Variants in RDX observed in about 807,000 individuals in gnomAD.
RDX encodes the protein radixin.
A neutral mutation model predicts 83.7 loss-of-function variants in RDX; 32 were observed. The observed-to-expected ratio is 0.38, with a 90% CI of 0.29 to 0.51. The LOEUF (loss-of-function observed/expected upper bound fraction) is 0.51, where lower values mean the gene tolerates loss of function less well. Among genes scored for constraint, RDX ranks in the 20% least tolerant of loss-of-function variants. The pLI, the probability that RDX is intolerant of heterozygous loss-of-function variation, is 0.87. For synonymous variants in RDX, 229 were observed against 222.7 expected (o/e 1.03, Z -0.25); for missense variants, 600 against 689.9 (o/e 0.87, Z 1.46).
intron 9 of RDX, among the ~76,000 whole-genome samples, chr11:110,251,588 A>G (rs192651518): frequency 6.6e-6 from 1 of 152,278 alleles, no homozygotes; most frequent in Admixed American, 6.5e-5. Context: ...GACACTAGCC[A>G]GCCTTGGTGC....
intron 10 of RDX, among the ~76,000 whole-genome samples, chr11:110,244,843 A>G (rs527309953): frequency 6.6e-6 from 1 of 152,280 alleles, no homozygotes; most frequent in East Asian, 1.9e-4. Context: ...AGAAAAGGAG[A>G]CTGTGTGAGG....
Position 110,237,508 on chromosome 11 carries a change from T to C in RDX, c.1235A>G (p.Lys412Arg), listed in dbSNP as rs1370371596. The C allele has an allele frequency of 1.9e-6, 3 of 1,612,660 alleles. No individual in the cohort carries two copies. The highest frequency in any genetic ancestry group is 3.3e-5 in the Admixed American group (2 of 60,032). ...AIAKQAADQM[K>R]NQEQLAAELA... ...GTTCCTTACTAGCTGCTCCTGATTC[T>C]TCATCTGGTCGGCAGCTTGTTTTGC... Residue 412 changes from lysine to arginine, a missense_variant, in exon 11 of 14, where the codon AAG becomes AGG. Coordinates refer to ENST00000645495, the MANE Select transcript of RDX (RefSeq NM_002906.4).
At chr11:110,214,871 C>A (rs1039485852) in intron 14 of RDX, among the ~76,000 whole-genome samples, 15 of 145,678 alleles carry the variant, frequency 1.0e-4, no homozygotes, top group Non-Finnish European at 1.7e-4. Flanking sequence ...GGGATAGCAT[C>A]GGGAGATATA....
At chr11:110,270,540 C>T (rs138264493) in intron 3 of RDX, among the ~76,000 whole-genome samples, 110 of 152,238 alleles carry the variant, frequency 7.2e-4, no homozygotes, top group African/African-American at 2.5e-3. Flanking sequence ...TACTGTTCTA[C>T]GCACTTTACA....
chr11:110,200,612 T>C (rs1038681718), intron 14 of RDX, among the ~76,000 whole-genome samples: 5 of 152,206 alleles, frequency 3.3e-5, no homozygotes, highest in African/African-American at 1.2e-4. Context: ...AACCACGTCA[T>C]GAAGAGTGAT....
chr11:110,179,598 C>A (rs1333619781), intron 15 of RDX, among the ~76,000 whole-genome samples: 1 of 152,138 alleles, frequency 6.6e-6, no homozygotes. Flanking sequence ...CATGGCAAAA[C>A]CCTGTCTCTA....
chr11:110,270,370 C>A (rs990264691), intron 3 of RDX, among the ~76,000 whole-genome samples: 20 of 152,090 alleles, frequency 1.3e-4, no homozygotes, highest in African/African-American at 4.8e-4. Context: ...TGTATTTAAA[C>A]GTATCTAAAC....
chr11:110,223,457 G>A (rs1052033657), intron 14 of RDX, among the ~76,000 whole-genome samples: 1 of 152,080 alleles, frequency 6.6e-6, no homozygotes, highest in African/African-American at 2.4e-5. Context: ...TGAACCGAGA[G>A]GTGAAAGTTG....
chr11:110,256,670 T>C (rs1859558522), intron 7 of RDX, among the ~76,000 whole-genome samples: 1 of 151,018 alleles, frequency 6.6e-6, no homozygotes, highest in African/African-American at 2.4e-5. Context: ...AGGCCAGGAG[T>C]TCAAGACCAG....
chr11:110,255,704 T>G (rs1051929744), intron 7 of RDX, among the ~76,000 whole-genome samples: 3 of 152,110 alleles, frequency 2.0e-5, no homozygotes, highest in Non-Finnish European at 4.4e-5. Context: ...TGTTCAGTTT[T>G]TATTGTTTGG....
intron 9 of RDX, 62 bp from the exon 10 acceptor site, chr11:110,247,895 A>C (rs759161343): frequency 2.1e-5 from 32 of 1,509,314 alleles, no homozygotes; most frequent in Non-Finnish European, 2.8e-5. Flanking sequence ...CATGTGATGG[A>C]ATACTACTCT....
intron 2 of RDX, among the ~76,000 whole-genome samples, chr11:110,279,040 A>C (rs906862386): frequency 3.9e-5 from 6 of 152,216 alleles, no homozygotes; most frequent in African/African-American, 1.4e-4. Flanking sequence ...ACTTGCATCT[A>C]AACTACAATT....
chr11:110,234,745 T>C (rs1864773599), intron 12 of RDX, among the ~76,000 whole-genome samples: 1 of 152,196 alleles, frequency 6.6e-6, no homozygotes, highest in Non-Finnish European at 1.5e-5. Context: ...ATTCCTTTTG[T>C]AGTTTTATTT....
intron 15 of RDX, among the ~76,000 whole-genome samples, chr11:110,177,249 G>A (rs1017560473): frequency 1.2e-4 from 19 of 152,226 alleles, no homozygotes; most frequent in African/African-American, 4.6e-4. Context: ...GCGACAGTGC[G>A]AACTCCTGTG....
chr11:110,265,109 GTT>G (rs71053876), intron 3 of RDX, among the ~76,000 whole-genome samples: 1 of 90,694 alleles, frequency 1.1e-5, no homozygotes, highest in African/African-American at 4.3e-5. Flanking sequence ...TTTTTTTTTT[GTT>G]TTTTTTTTTT....
intron 15 of RDX, among the ~76,000 whole-genome samples, chr11:110,198,213 C>T (rs942506508): frequency 5.9e-5 from 9 of 151,554 alleles, no homozygotes; most frequent in African/African-American, 2.2e-4. Context: ...GTTGGGGGAA[C>T]TCAAGATTTA....
chr11:110,279,766 A>G lies in RDX; in HGVS notation c.-64-10T>C. The G allele has an allele frequency of 1.1e-6, 1 of 887,656 alleles. No homozygotes were observed. The allele number at this position is 887,656 out of a possible 1,614,324, so 55.0% of individuals were successfully genotyped here. On this transcript the variant is annotated splice_polypyrimidine_tract_variant and intron_variant, in intron 1 of 13. Transcript: ENST00000645495. ...ATTCTGTTATCACTTTCTGTTAAAA[A>G]AAAAAAAGCATAATCTATTATCTTT...
At chr11:110,286,469 A>T (rs1860981886) in intron 1 of RDX, among the ~76,000 whole-genome samples, 1 of 152,226 alleles carries the variant, frequency 6.6e-6, no homozygotes, top group African/African-American at 2.4e-5. Flanking sequence ...CATGCTCGAC[A>T]CATTGAGCTC....
intron 2 of RDX, 48 bp from the exon 3 acceptor site, chr11:110,272,667 C>T (rs750954109): frequency 1.4e-5 from 17 of 1,249,818 alleles, no homozygotes; most frequent in East Asian, 4.9e-5. Flanking sequence ...AGTTATTAGG[C>T]GTGAGAAAAC....
Sources: gnomAD v4.1 joint callset for allele counts (sites outside exome capture counted in the v4.1 genomes callset) on GRCh38, gnomAD v4.1.1 for gene constraint, MANE v1.5 for transcripts, NCBI Gene and HGNC (gene_info 2026-07-23, HGNC 2026-07-21) for gene names.